FAM76B: variants seen among roughly 807,000 people sequenced by gnomAD.
FAM76B encodes the protein protein FAM76B.
A neutral mutation model predicts 51.8 loss-of-function variants in FAM76B; 16 were observed. That is an observed-to-expected ratio of 0.31 (90% CI 0.21 to 0.47). The LOEUF (loss-of-function observed/expected upper bound fraction) is 0.47, where lower values mean the gene tolerates loss of function less well. FAM76B is among the 20% of genes least tolerant of loss of function. The pLI is 1.00. For synonymous variants in FAM76B, 166 were observed against 129.5 expected (o/e 1.28, Z -1.91); for missense variants, 342 against 392.6 (o/e 0.87, Z 1.09).
Position 95,779,463 on chromosome 11 carries a change from A to C in FAM76B, c.692+144T>G, listed in dbSNP as rs986003216. 4 of 728,744 alleles carry C rather than the reference A, an allele frequency of 5.5e-6. No individual in the cohort carries two copies. The African/African-American group carries it at 7.4e-5, about 14-fold the overall frequency. The allele number at this position is 728,744 out of a possible 1,614,324, so 45.1% of individuals were successfully genotyped here. On this transcript the variant is annotated intron_variant, in intron 7 of 9. Coordinates refer to ENST00000358780, the MANE Select transcript of FAM76B (RefSeq NM_144664.5). Reference sequence around the variant, plus strand: ...GCCAAAATTAAGCTAAAAATTTTAAACTAATTTATGTTTATTCTTCTAGGT... The same window carrying C: ...GCCAAAATTAAGCTAAAAATTTTAACCTAATTTATGTTTATTCTTCTAGGT...
At chr11:95,782,953 G>A in intron 5 of FAM76B, 112 bp downstream of exon 5, 1 of 1,367,660 alleles carries the variant, frequency 7.3e-7, no homozygotes, top group Non-Finnish European at 1.0e-6. Flanking sequence ...TGCTTACTGT[G>A]TACAATGGAA....
At chr11:95,783,746 G>A (rs1306723936) in intron 4 of FAM76B, among the ~76,000 whole-genome samples, 3 of 152,154 alleles carry the variant, frequency 2.0e-5, no homozygotes, top group Admixed American at 6.5e-5. Flanking sequence ...CTAGTAAAAT[G>A]TATCTGTAAC....
intron 9 of FAM76B, 58 bp downstream of exon 9, chr11:95,775,864 G>T: frequency 9.0e-7 from 1 of 1,108,648 alleles, no homozygotes; most frequent in Non-Finnish European, 1.3e-6. Context: ...GTCAATGAAT[G>T]CTATTACTCA....
In FAM76B at chr11:95,778,930, A is replaced by G. The variant is rs766641989; in HGVS notation, c.720T>C (p.Ser240=). ...DSSSINQSAD[S]GGTDNFVLIS... ...TAAGGACAAAATTGTCTGTTCCCCC[A>G]CTATCTGCTGACTGATTTATAGAGC... is the stretch of plus-strand genomic sequence containing the variant. The change falls in exon 8 of 10, where the codon AGT becomes AGC. Residue 240 remains serine (S), a synonymous_variant. Coordinates refer to ENST00000358780, the MANE Select transcript of FAM76B (RefSeq NM_144664.5). 1.1e-5 allele frequency: 18 copies of G among 1,610,174 alleles called. No homozygotes were observed. The Admixed American group carries it at 2.7e-4, about 24-fold the overall frequency.
rs761926089 is a variant in FAM76B, at chr11:95,786,292, T to C, written c.208-18A>G. 3 of 1,612,534 alleles carry C rather than the reference T, an allele frequency of 1.9e-6. No homozygotes were observed. In the Admixed American group the frequency reaches 5.0e-5, roughly 27 times the overall value. ...GGCTTGGGCTGAAAAACATACACAT[T>C]TTGAGACTTTTAAAAACATTAAATA... On this transcript the variant is annotated intron_variant, in intron 3 of 9. Coordinates refer to ENST00000358780, the MANE Select transcript of FAM76B (RefSeq NM_144664.5).
At chr11:95,789,210 G>A (rs973923737) in intron 1 of FAM76B, 182 bp downstream of exon 1, 2 of 959,458 alleles carry the variant, frequency 2.1e-6, no homozygotes, top group African/African-American at 3.3e-5. Context: ...TCCCTTTCAG[G>A]GTCCGTTCCC....
chr11:95,781,649 C>T (rs1860275677), intron 5 of FAM76B, among the ~76,000 whole-genome samples: 1 of 152,020 alleles, frequency 6.6e-6, no homozygotes, highest in African/African-American at 2.4e-5. Flanking sequence ...CTGACATATG[C>T]TATTATGGTA....
rs768589798 is a variant in FAM76B at position 95,786,283 on chromosome 11, C to G, written c.208-9G>C. ...TACTGACAAGGCTTGGGCTGAAAAACATACACATTTTGAGACTTTTAAAAA... is the reference window on the plus strand; with the variant it reads ...TACTGACAAGGCTTGGGCTGAAAAAGATACACATTTTGAGACTTTTAAAAA... On this transcript the variant is annotated splice_polypyrimidine_tract_variant and intron_variant, in intron 3 of 9. Coordinates refer to ENST00000358780, the MANE Select transcript of FAM76B (RefSeq NM_144664.5). 2 of 1,613,294 alleles carry G rather than the reference C, an allele frequency of 1.2e-6. No homozygotes were observed. The highest frequency in any genetic ancestry group is 1.7e-5 in the Admixed American group (1 of 59,936).
chr11:95,774,529 TTC>T (rs1471000961), intron 9 of FAM76B, among the ~76,000 whole-genome samples: 2 of 151,486 alleles, frequency 1.3e-5, no homozygotes, highest in African/African-American at 4.8e-5. Context: ...ATTGCAGTTA[TTC>T]TGTTATCTCA....
At chr11:95,788,690 G>C in intron 1 of FAM76B, 127 bp from the exon 2 acceptor site, 1 of 1,218,316 alleles carries the variant, frequency 8.2e-7, no homozygotes. Flanking sequence ...CCAACGTAAA[G>C]AACTGGATGC....
intron 8 of FAM76B, among the ~76,000 whole-genome samples, chr11:95,776,457 G>A (rs747855822): frequency 4.0e-5 from 6 of 151,284 alleles, no homozygotes; most frequent in Non-Finnish European, 3.0e-5. Flanking sequence ...TTTCACACTG[G>A]GTAATATAAA....
In FAM76B at chr11:95,787,617, T is replaced by A; in HGVS notation, c.207+7A>T. ...AACAATGACATGAAAACATAAGACA[T>A]ACTTACCGTCCCAAATTGCTTCACA... On this transcript the variant is annotated splice_region_variant and intron_variant, in intron 3 of 9. Coordinates refer to ENST00000358780, the MANE Select transcript of FAM76B (RefSeq NM_144664.5). 6.2e-7 allele frequency: 1 copy of A among 1,609,528 alleles called. No individual in the cohort carries two copies. Among genetic ancestry groups the A allele is most frequent in the South Asian group, 1.1e-5 (1 of 90,346 alleles).
At position 95,789,591 on chromosome 11, in the gene FAM76B, G is replaced by C. The variant is rs753764377; in HGVS notation, c.-113C>G. The C allele has an allele frequency of 2.2e-6, 2 of 905,296 alleles. No homozygotes were observed. Among genetic ancestry groups the C allele is most frequent in the Non-Finnish European group, 1.6e-6 (1 of 619,074 alleles). 56.1% of individuals were successfully genotyped at this position (905,296 alleles called of 1,614,324 possible). On this transcript the variant is annotated 5_prime_UTR_variant, in exon 1 of 10. Transcript: ENST00000358780. Reference sequence around the variant, plus strand: ...GGCTCCTCCTCCTCCCCCTCCCCCTGCCTCGCGCCCACCAGGGCCTCGCCG... The same window carrying C: ...GGCTCCTCCTCCTCCCCCTCCCCCTCCCTCGCGCCCACCAGGGCCTCGCCG...
At chr11:95,779,016 C>T (rs1232391090) in intron 7 of FAM76B, 59 bp from the exon 8 acceptor site, 2 of 1,598,414 alleles carry the variant, frequency 1.3e-6, no homozygotes, top group African/African-American at 2.7e-5. Context: ...AGCAGGTGTT[C>T]AAATTGCATA....
rs527865806 is a variant in FAM76B at position 95,769,732 on chromosome 11, T to C, written c.*1829A>G. 35 of 151,752 alleles carry C rather than the reference T, an allele frequency of 2.3e-4. No homozygotes were observed. Among genetic ancestry groups the C allele is most frequent in the African/African-American group, 8.2e-4 (34 of 41,500 alleles). The allele number at this position is 151,752 out of a possible 1,614,324, so 9.4% of individuals were successfully genotyped here. A position where few individuals can be genotyped will look rare whatever the true frequency, so the allele number is the denominator to read the frequency against. On this transcript the variant is annotated 3_prime_UTR_variant, in exon 10 of 10. Transcript: ENST00000358780. ...CAAATCCTGCAAACGTTAAAATCCA[T>C]GTTAAGGCATTATCTATCATGGTTG... is the stretch of plus-strand genomic sequence containing the variant.
intron 5 of FAM76B, among the ~76,000 whole-genome samples, chr11:95,781,435 T>A (rs3802764): frequency 0.28 from 42,385 of 152,006 alleles, 7,081 homozygotes; most frequent in Non-Finnish European, 0.38. Context: ...TAACCAGAAG[T>A]AAAAAAATTG....
chr11:95,785,907 G>A (rs570241060), intron 4 of FAM76B, among the ~76,000 whole-genome samples: 2 of 152,266 alleles, frequency 1.3e-5, no homozygotes, highest in East Asian at 3.9e-4. Flanking sequence ...GTACAGAATA[G>A]CCACCATAGA....
chr11:95,779,055 G>C (rs1314701892), intron 7 of FAM76B, 98 bp from the exon 8 acceptor site: 1 of 1,593,086 alleles, frequency 6.3e-7, no homozygotes, highest in African/African-American at 1.3e-5. Flanking sequence ...ACATCCTTAA[G>C]GCTAATGCAA....
At chr11:95,787,991 C>T (rs1325170147) in intron 2 of FAM76B, among the ~76,000 whole-genome samples, 1 of 152,202 alleles carries the variant, frequency 6.6e-6, no homozygotes, top group African/African-American at 2.4e-5. Context: ...CCTAACCTTC[C>T]ACTTGGCTAC....
Sources: gnomAD v4.1 joint callset for allele counts (sites outside exome capture counted in the v4.1 genomes callset) on GRCh38, gnomAD v4.1.1 for gene constraint, MANE v1.5 for transcripts, NCBI Gene and HGNC (gene_info 2026-07-23, HGNC 2026-07-21) for gene names.